PPIP5K2: variants seen among roughly 807,000 people sequenced by gnomAD.
PPIP5K2 encodes the protein inositol hexakisphosphate and diphosphoinositol-pentakisphosphate kinase 2.
PPIP5K2 carries 105 observed loss-of-function variants against 154.6 expected under a neutral mutation model. The ratio of observed to expected loss-of-function variants is 0.68; its 90% confidence interval spans 0.58 to 0.80. PPIP5K2 has a LOEUF of 0.80. Among genes scored for constraint, PPIP5K2 ranks in the 30% least tolerant of loss-of-function variants. PPIP5K2 has a pLI of 0.00. For missense variants in PPIP5K2, 992 were observed against 1,504.6 expected (o/e 0.66, Z 5.64); for synonymous variants, 480 against 490.3 (o/e 0.98, Z 0.28).
Position 103,195,032 on chromosome 5 carries a change from GGT to G in PPIP5K2, c.3619+16_3619+17del. On this transcript the variant is annotated splice_region_variant and intron_variant, in intron 30 of 30. Transcript: ENST00000358359. ...AAAGCAAGCAGCAAACCAGGTAAGG[GGT>G]GTGTGTGTTGAGTTTGTGGATTTGC... is the stretch of plus-strand genomic sequence containing the variant. 6.2e-7 allele frequency: 1 copy of G among 1,606,652 alleles called. No individual in the cohort carries two copies.
At chr5:103,133,948 A>G (rs1791059397) in intron 3 of PPIP5K2, among the ~76,000 whole-genome samples, 1 of 152,084 alleles carries the variant, frequency 6.6e-6, no homozygotes, top group African/African-American at 2.4e-5. Context: ...GTGGCATAGT[A>G]TATCATTGTG....
intron 3 of PPIP5K2, chr5:103,136,051 A>C (rs1481151082): frequency 7.0e-6 from 1 of 142,438 alleles, no homozygotes; most frequent in Admixed American, 7.6e-5. Context: ...CACTCACCGC[A>C]ACCTCCACCT....
chr5:103,121,368 T>C (rs1410012639), intron 1 of PPIP5K2, among the ~76,000 whole-genome samples: 3 of 152,202 alleles, frequency 2.0e-5, no homozygotes, highest in Non-Finnish European at 4.4e-5. Flanking sequence ...TATGTTAGAT[T>C]ATTATCACCA....
rs782137197 is a variant in PPIP5K2, at chr5:103,154,690, A to C, written c.1238A>C (p.Lys413Thr). The C allele has an allele frequency of 6.4e-7, 1 of 1,553,148 alleles. No homozygotes were observed. ...RHQKFFDLFEKCDGYKSGKLK... is the reference protein window; with the variant it reads ...RHQKFFDLFETCDGYKSGKLK... Reference sequence around the variant, plus strand: ...ATAAGATTTTTTGATCTTTTTGAAAAGTGTGATGGATATAAATCAGGGAAA... The same window carrying C: ...ATAAGATTTTTTGATCTTTTTGAAACGTGTGATGGATATAAATCAGGGAAA... The change falls in exon 12 of 31, where the codon AAG (lysine) becomes ACG (threonine). Residue 413 changes from lysine (K) to threonine (T), a missense_variant. Lys to Thr is a moderately conservative substitution (Grantham distance 78). This residue lies in a region of PPIP5K2 where 163 missense variants were observed against 285.2 expected (regional missense o/e 0.57). Coordinates refer to ENST00000358359, the MANE Select transcript of PPIP5K2 (RefSeq NM_001276277.3).
intron 23 of PPIP5K2, 71 bp downstream of exon 23, chr5:103,178,051 T>TA: frequency 1.1e-6 from 1 of 943,416 alleles, no homozygotes; most frequent in Non-Finnish European, 1.7e-6. Flanking sequence ...TATAAGAGAT[T>TA]TTTATAATGT....
At chr5:103,122,805 T>C (rs947820074) in intron 1 of PPIP5K2, among the ~76,000 whole-genome samples, 4 of 152,192 alleles carry the variant, frequency 2.6e-5, no homozygotes, top group Non-Finnish European at 5.9e-5. Flanking sequence ...TGAAAAGGGC[T>C]ACAGTGATGG....
rs1554212551 is a variant in PPIP5K2, at chr5:103,154,828, T to A, written c.1294-6T>A. The A allele has an allele frequency of 6.4e-7, 1 of 1,563,170 alleles. No individual in the cohort carries two copies. The highest frequency in any genetic ancestry group is 2.3e-5 in the East Asian group (1 of 44,188). Reference sequence around the variant, plus strand: ...AAATTCAATTTTTTATTAATTTATTTTATAGGAAGTGCTAGATATTGCACG... The same window carrying A: ...AAATTCAATTTTTTATTAATTTATTATATAGGAAGTGCTAGATATTGCACG... On this transcript the variant is annotated splice_region_variant and splice_polypyrimidine_tract_variant and intron_variant, in intron 12 of 30. Coordinates refer to ENST00000358359, the MANE Select transcript of PPIP5K2 (RefSeq NM_001276277.3).
In PPIP5K2 at chr5:103,152,276, T is replaced by A. The variant is rs115933852; in HGVS notation, c.1029-372T>A. On this transcript the variant is annotated intron_variant, in intron 9 of 30. Coordinates refer to ENST00000358359, the MANE Select transcript of PPIP5K2 (RefSeq NM_001276277.3). ...GTTAAGATGAACACAATATTTAGAGTAGCATTATAGATGTTCAATAAAGTG... is the reference window on the plus strand; with the variant it reads ...GTTAAGATGAACACAATATTTAGAGAAGCATTATAGATGTTCAATAAAGTG... Among the ~76,000 whole-genome samples the A allele has an allele frequency of 6.7e-3, 1,021 of 152,018 alleles. 7 individuals are homozygous for A. Among genetic ancestry groups the A allele is most frequent in the Non-Finnish European group, 0.013 (849 of 67,798 alleles).
intron 14 of PPIP5K2, among the ~76,000 whole-genome samples, chr5:103,157,789 A>G (rs1400543768): frequency 6.6e-6 from 1 of 152,182 alleles, no homozygotes; most frequent in Middle Eastern, 3.2e-3. Context: ...AGGGTGCTTG[A>G]TAGCAAGGCA....
chr5:103,134,885 A>G (rs1791218300), intron 3 of PPIP5K2, among the ~76,000 whole-genome samples: 2 of 152,166 alleles, frequency 1.3e-5, no homozygotes, highest in South Asian at 4.1e-4. Context: ...ATTTGTGGCT[A>G]AGTGGTTCTT....
intron 8 of PPIP5K2, among the ~76,000 whole-genome samples, chr5:103,150,591 A>G (rs1794475618): frequency 6.6e-6 from 1 of 152,026 alleles, no homozygotes; most frequent in South Asian, 2.1e-4. Context: ...TAGCTAACAT[A>G]GCAAAACCCT....
intron 24 of PPIP5K2, 34 bp downstream of exon 24, chr5:103,180,222 A>C: frequency 6.8e-7 from 1 of 1,474,910 alleles, no homozygotes; most frequent in Non-Finnish European, 9.0e-7. Context: ...TTTTTCATAC[A>C]GTAAACTAAC....
At chr5:103,168,379 T>C (rs1797458835) in intron 19 of PPIP5K2, 84 bp downstream of exon 19, 3 of 1,066,028 alleles carry the variant, frequency 2.8e-6, no homozygotes, top group Non-Finnish European at 2.8e-6. Context: ...AGGTAGTTGG[T>C]TTTCATGTCC....
chr5:103,132,596 G>C (rs528479765), intron 2 of PPIP5K2, among the ~76,000 whole-genome samples: 29 of 152,156 alleles, frequency 1.9e-4, no homozygotes, highest in African/African-American at 6.3e-4. Context: ...TTTATTTTTA[G>C]TTATATTAAG....
Position 103,180,028 on chromosome 5 carries a change from G to A in PPIP5K2, c.2762G>A (p.Gly921Asp). ...GYRPASRENE[G>D]RRPFKIDNDD... is the part of the protein sequence containing the mutation. Reference sequence around the variant, plus strand: ...TATATTCTTTGCTCACAGAATGAAGGCAGGAGACCTTTTAAAATTGATAAT... The same window carrying A: ...TATATTCTTTGCTCACAGAATGAAGACAGGAGACCTTTTAAAATTGATAAT... Residue 921 changes from glycine to aspartate, a missense_variant, in exon 24 of 31, where the codon GGC (glycine) becomes GAC (aspartate). By Grantham distance (94) the Gly-to-Asp change is moderately conservative. This residue lies in a region of PPIP5K2 where 204 missense variants were observed against 224.0 expected (regional missense o/e 0.91). Coordinates refer to ENST00000358359, the MANE Select transcript of PPIP5K2 (RefSeq NM_001276277.3). 2.0e-6 allele frequency: 3 copies of A among 1,532,106 alleles called. No homozygotes were observed. The allele number at this position is 1,532,106 out of a possible 1,614,324, so 94.9% of individuals were successfully genotyped here. A position where few individuals can be genotyped will look rare whatever the true frequency, so the allele number is the denominator to read the frequency against.
At chr5:103,177,098 G>A (rs1227842545) in intron 21 of PPIP5K2, among the ~76,000 whole-genome samples, 1 of 151,826 alleles carries the variant, frequency 6.6e-6, no homozygotes, top group Non-Finnish European at 1.5e-5. Flanking sequence ...AGGTACTTTG[G>A]AACCTGACAA....
At chr5:103,134,146 A>G (rs1178121522) in intron 3 of PPIP5K2, among the ~76,000 whole-genome samples, 1 of 152,140 alleles carries the variant, frequency 6.6e-6, no homozygotes, top group African/African-American at 2.4e-5. Flanking sequence ...TTATAGAACA[A>G]GATCTATCAT....
chr5:103,141,682 CAG>C (rs1277099282), intron 5 of PPIP5K2, among the ~76,000 whole-genome samples: 1 of 152,116 alleles, frequency 6.6e-6, no homozygotes, highest in Admixed American at 6.5e-5. Context: ...CAGCTAGATG[CAG>C]AGTGTCGATT....
intron 3 of PPIP5K2, among the ~76,000 whole-genome samples, chr5:103,135,441 T>G (rs1421943290): frequency 6.6e-6 from 1 of 152,108 alleles, no homozygotes; most frequent in Non-Finnish European, 1.5e-5. Context: ...ATTTTTTTTT[T>G]CCCCCTGGAG....
Sources: allele counts gnomAD v4.1 joint callset (sites outside exome capture counted in the v4.1 genomes callset), GRCh38; gene constraint gnomAD v4.1.1; regional missense constraint gnomAD v4.1.1; transcripts MANE v1.5; gene names NCBI Gene and HGNC (gene_info 2026-07-23, HGNC 2026-07-21).